LCE2D: variants seen among roughly 807,000 people sequenced by gnomAD.
LCE2D encodes the protein late cornified envelope protein 2D.
For missense variants in LCE2D, 161 were observed against 142.9 expected (o/e 1.13, Z -0.65); for synonymous variants, 55 against 51.3 (o/e 1.07, Z -0.31).
At position 152,664,187 on chromosome 1, in the gene LCE2D, T is replaced by G; in HGVS notation, c.82T>G (p.Cys28Gly). ...PKCTPKCPPK[C>G]PPKCPPQCPA... Reference sequence around the variant, plus strand: ...GTGTACCCCAAAATGTCCACCTAAGTGTCCCCCCAAATGCCCACCACAGTG... The same window carrying G: ...GTGTACCCCAAAATGTCCACCTAAGGGTCCCCCCAAATGCCCACCACAGTG... Residue 28 changes from cysteine (C) to glycine (G), a missense_variant, in exon 2 of 2, where the codon TGT becomes GGT. Cys to Gly is a radical substitution (Grantham distance 159). Transcript: ENST00000368784. 1 of 1,614,172 alleles carries G rather than the reference T, an allele frequency of 6.2e-7. No individual in the cohort carries two copies. The highest frequency in any genetic ancestry group is 1.1e-5 in the South Asian group (1 of 91,080).
In LCE2D at chr1:152,664,399, G is replaced by A. The variant is rs566463390; in HGVS notation, c.294G>A (p.Gly98=). The change falls in exon 2 of 2, where the codon GGG becomes GGA. Residue 98 remains glycine (G), a synonymous_variant. Transcript: ENST00000368784. ...ATTGCTGTGAGAGTGAACCTTCTGG[G>A]GCCTCTGGCTGCTGCCACAGCTCTG... is the stretch of plus-strand genomic sequence containing the variant. The part of the protein sequence containing the change: ...SPDCCESEPS[G]ASGCCHSSGG... 5.7e-5 allele frequency: 91 copies of A among 1,607,252 alleles called. No homozygotes were observed. Among genetic ancestry groups the A allele is most frequent in the African/African-American group, 4.5e-4 (34 of 74,912 alleles).
rs759080764 is a variant in LCE2D, at chr1:152,664,140, C to A, written c.35C>A (p.Pro12His). The stretch of plus-strand genomic sequence containing the variant: ...CAGCAAAACCAGCAGCAGTGCCAGC[C>A]CCCTCCCAAATGTCCTCCCAAGTGT... ...SCQQNQQQCQ[P>H]PPKCPPKCTP... Residue 12 changes from proline to histidine, a missense_variant, in exon 2 of 2, where the codon CCC (proline) becomes CAC (histidine). Transcript: ENST00000368784. 122 of 1,614,040 alleles carry A rather than the reference C, an allele frequency of 7.6e-5. 1 individual carries two copies. Among genetic ancestry groups the A allele is most frequent in the Non-Finnish European group, 9.4e-5 (111 of 1,180,036 alleles).
intron 1 of LCE2D, 92 bp from the exon 2 acceptor site, chr1:152,663,990 TATC>T (rs1648476223): frequency 5.8e-6 from 8 of 1,381,978 alleles, no homozygotes; most frequent in South Asian, 1.4e-5. Flanking sequence ...ATTACCTAAA[TATC>T]ATTCTTCTTC....
Position 152,664,358 on chromosome 1 carries a change from C to T in LCE2D, c.253C>T (p.Arg85Trp), listed in dbSNP as rs202193977. Reference protein sequence around the residue: ...HHRPRLFHRRRHQSPDCCESE... With the variant: ...HHRPRLFHRRWHQSPDCCESE... ...CAGGCCCCGTCTCTTCCACCGGCGC[C>T]GGCACCAGAGCCCCGATTGCTGTGA... The change falls in exon 2 of 2, where the codon CGG (arginine) becomes TGG (tryptophan). Residue 85 changes from arginine to tryptophan, a missense_variant. Transcript: ENST00000368784. The T allele has an allele frequency of 9.9e-6, 16 of 1,608,686 alleles. No individual in the cohort carries two copies. The highest frequency in any genetic ancestry group is 2.2e-5 in the East Asian group (1 of 44,846).
Position 152,664,648 on chromosome 1 carries a change from T to C in LCE2D, c.*210T>C. The C allele has an allele frequency of 1.5e-6, 1 of 647,306 alleles. No individual in the cohort carries two copies. Among genetic ancestry groups the C allele is most frequent in the Non-Finnish European group, 2.6e-6 (1 of 388,896 alleles). The allele number at this position is 647,306 out of a possible 1,614,324, so 40.1% of individuals were successfully genotyped here. On this transcript the variant is annotated 3_prime_UTR_variant, in exon 2 of 2. Transcript: ENST00000368784. ...CTCATATTGTAATAAAGCTCTGATT[T>C]CTGACTCTTTAAATGTCTTGGTCAT...
At chr1:152,663,984 C>G in intron 1 of LCE2D, 101 bp from the exon 2 acceptor site, 1 of 1,339,332 alleles carries the variant, frequency 7.5e-7, no homozygotes, top group Non-Finnish European at 1.0e-6. Context: ...GACTGTATTA[C>G]CTAAATATCA....
chr1:152,664,264 G>C lies in LCE2D; in HGVS notation c.159G>C (p.Gly53=), dbSNP rs1033623402. Residue 53 remains glycine, a synonymous_variant, in exon 2 of 2, where the codon GGG becomes GGC. Coordinates refer to ENST00000368784, the MANE Select transcript of LCE2D (RefSeq NM_178430.4). ...AVSSCCGPSS[G]SCCGPSSGGC... ...CTTCCTGCTGTGGTCCCAGCTCTGG[G>C]AGCTGCTGTGGTCCCAGCTCTGGGG... The C allele has an allele frequency of 7.4e-6, 12 of 1,613,942 alleles. No individual in the cohort carries two copies. The highest frequency in any genetic ancestry group is 3.3e-5 in the Admixed American group (2 of 60,000).
rs1023823529 is a variant in LCE2D, at chr1:152,664,207, A to T, written c.102A>T (p.Pro34=). The change falls in exon 2 of 2, where the codon CCA becomes CCT. Residue 34 remains proline (P), a synonymous_variant. Coordinates refer to ENST00000368784, the MANE Select transcript of LCE2D (RefSeq NM_178430.4). The stretch of plus-strand genomic sequence containing the variant: ...CTAAGTGTCCCCCCAAATGCCCACC[A>T]CAGTGCCCAGCTCCATGTTCCCCTG... ...CPPKCPPKCP[P]QCPAPCSPAV... 4 of 1,613,984 alleles carry T rather than the reference A, an allele frequency of 2.5e-6. No homozygotes were observed. The African/African-American group carries it at 5.3e-5, about 22-fold the overall frequency.
Position 152,664,539 on chromosome 1 carries a change from G to T in LCE2D, c.*101G>T. ...CTTTCATTCCACTCATGGGTGGACAGGGACCACAAAGACTCATGGGGCTTC... is the reference window on the plus strand; with the variant it reads ...CTTTCATTCCACTCATGGGTGGACATGGACCACAAAGACTCATGGGGCTTC... On this transcript the variant is annotated 3_prime_UTR_variant, in exon 2 of 2. Transcript: ENST00000368784. 1 of 1,499,064 alleles carries T rather than the reference G, an allele frequency of 6.7e-7. No homozygotes were observed. The highest frequency in any genetic ancestry group is 8.9e-7 in the Non-Finnish European group (1 of 1,122,258). The allele number at this position is 1,499,064 out of a possible 1,614,324, so 92.9% of individuals were successfully genotyped here. A position where few individuals can be genotyped will look rare whatever the true frequency, so the allele number is the denominator to read the frequency against.
chr1:152,664,560 G>T lies in LCE2D; in HGVS notation c.*122G>T. On this transcript the variant is annotated 3_prime_UTR_variant, in exon 2 of 2. Transcript: ENST00000368784. ...GACAGGGACCACAAAGACTCATGGG[G>T]CTTCCCCAGAACTTTGTGCTTGATG... The T allele has an allele frequency of 7.0e-7, 1 of 1,427,706 alleles. No homozygotes were observed. The highest frequency in any genetic ancestry group is 2.4e-5 in the East Asian group (1 of 42,268). 88.4% of individuals were successfully genotyped at this position (1,427,706 alleles called of 1,614,324 possible).
Position 152,664,433 on chromosome 1 carries a change from T to C in LCE2D, c.328T>C (p.Cys110Arg). The C allele has an allele frequency of 6.2e-7, 1 of 1,611,566 alleles. No individual in the cohort carries two copies. The highest frequency in any genetic ancestry group is 1.3e-5 in the African/African-American group (1 of 74,930). The stretch of plus-strand genomic sequence containing the variant: ...CTGCTGCCACAGCTCTGGGGGCTGC[T>C]GCTGACCTGGGCTGCAGAAGAGCTC... ...SGCCHSSGGC[C>R] The change falls in exon 2 of 2, where the codon TGC becomes CGC. Residue 110 changes from cysteine to arginine, a missense_variant. By Grantham distance (180) the Cys-to-Arg change is radical. Transcript: ENST00000368784.
rs1483339894 is a variant in LCE2D, at chr1:152,664,251, G to A, written c.146G>A (p.Gly49Asp). ...PCSPAVSSCC[G>D]PSSGSCCGPS... ...TCCCCTGCAGTCTCTTCCTGCTGTG[G>A]TCCCAGCTCTGGGAGCTGCTGTGGT... Residue 49 changes from glycine to aspartate, a missense_variant, in exon 2 of 2, where the codon GGT becomes GAT. Coordinates refer to ENST00000368784, the MANE Select transcript of LCE2D (RefSeq NM_178430.4). 2 of 1,614,030 alleles carry A rather than the reference G, an allele frequency of 1.2e-6. No homozygotes were observed. Among genetic ancestry groups the A allele is most frequent in the Admixed American group, 1.7e-5 (1 of 60,016 alleles).
rs1215295862 is a variant in LCE2D, at chr1:152,664,518, C to T, written c.*80C>T. On this transcript the variant is annotated 3_prime_UTR_variant, in exon 2 of 2. Transcript: ENST00000368784. ...ATGCTTAACTATTTCCCCTTCCTTT[C>T]ATTCCACTCATGGGTGGACAGGGAC... 1.6e-5 allele frequency: 25 copies of T among 1,521,774 alleles called. No homozygotes were observed. Among genetic ancestry groups the T allele is most frequent in the Non-Finnish European group, 2.2e-5 (25 of 1,136,528 alleles). The allele number at this position is 1,521,774 out of a possible 1,614,324, so 94.3% of individuals were successfully genotyped here. A position where few individuals can be genotyped will look rare whatever the true frequency, so the allele number is the denominator to read the frequency against.
chr1:152,664,480 C>G lies in LCE2D; in HGVS notation c.*42C>G, dbSNP rs765426662. 1.9e-6 allele frequency: 3 copies of G among 1,558,638 alleles called. No individual in the cohort carries two copies. Among genetic ancestry groups the G allele is most frequent in the African/African-American group, 2.7e-5 (2 of 72,958 alleles). ...GCTCTGGTACTGAATGGTCAAAAAC[C>G]TGCTACAGCCTGATGCTTAACTATT... On this transcript the variant is annotated 3_prime_UTR_variant, in exon 2 of 2. Transcript: ENST00000368784.
chr1:152,664,480 C>A lies in LCE2D; in HGVS notation c.*42C>A, dbSNP rs765426662. The A allele has an allele frequency of 1.0e-5, 16 of 1,558,756 alleles. No individual in the cohort carries two copies. Among genetic ancestry groups the A allele is most frequent in the Admixed American group, 2.0e-5 (1 of 51,090 alleles). ...GCTCTGGTACTGAATGGTCAAAAAC[C>A]TGCTACAGCCTGATGCTTAACTATT... is the stretch of plus-strand genomic sequence containing the variant. On this transcript the variant is annotated 3_prime_UTR_variant, in exon 2 of 2. Coordinates refer to ENST00000368784, the MANE Select transcript of LCE2D (RefSeq NM_178430.4).
At position 152,664,481 on chromosome 1, in the gene LCE2D, T is replaced by G; in HGVS notation, c.*43T>G. The G allele has an allele frequency of 6.4e-7, 1 of 1,558,550 alleles. No homozygotes were observed. The highest frequency in any genetic ancestry group is 8.7e-7 in the Non-Finnish European group (1 of 1,155,626). On this transcript the variant is annotated 3_prime_UTR_variant, in exon 2 of 2. Coordinates refer to ENST00000368784, the MANE Select transcript of LCE2D (RefSeq NM_178430.4). ...CTCTGGTACTGAATGGTCAAAAACC[T>G]GCTACAGCCTGATGCTTAACTATTT...
At position 152,663,951 on chromosome 1, in the gene LCE2D, T is replaced by A. The variant is rs1032081693; in HGVS notation, c.-21-134T>A. ...TTTTATCTGGAAGAAAGATTCAAGT[T>A]GTTTCTTTCAGGTTACTGATGTGAC... is the stretch of plus-strand genomic sequence containing the variant. On this transcript the variant is annotated intron_variant, in intron 1 of 1. Coordinates refer to ENST00000368784, the MANE Select transcript of LCE2D (RefSeq NM_178430.4). 6.1e-6 allele frequency: 6 copies of A among 991,548 alleles called. No individual in the cohort carries two copies. The African/African-American group carries it at 9.9e-5, about 16-fold the overall frequency. 61.4% of individuals were successfully genotyped at this position (991,548 alleles called of 1,614,324 possible). A position where few individuals can be genotyped will look rare whatever the true frequency, so the allele number is the denominator to read the frequency against.
chr1:152,664,359 G>T lies in LCE2D; in HGVS notation c.254G>T (p.Arg85Leu). The change falls in exon 2 of 2, where the codon CGG (arginine) becomes CTG (leucine). Residue 85 changes from arginine (R) to leucine (L), a missense_variant. Physicochemically the swap from Arg to Leu is moderately radical, Grantham distance 102. Transcript: ENST00000368784. ...AGGCCCCGTCTCTTCCACCGGCGCC[G>T]GCACCAGAGCCCCGATTGCTGTGAG... is the stretch of plus-strand genomic sequence containing the variant. ...HHRPRLFHRRRHQSPDCCESE... is the reference protein window; with the variant it reads ...HHRPRLFHRRLHQSPDCCESE... 6.2e-7 allele frequency: 1 copy of T among 1,608,606 alleles called. No individual in the cohort carries two copies. The highest frequency in any genetic ancestry group is 1.1e-5 in the South Asian group (1 of 90,792).
intron 1 of LCE2D, 149 bp downstream of exon 1, chr1:152,663,578 C>G (rs2101489793): frequency 6.3e-6 from 1 of 157,730 alleles, no homozygotes. Context: ...TCTAGAAGCT[C>G]TGGGACTTGC....
Sources: allele counts gnomAD v4.1 joint callset, GRCh38; gene constraint gnomAD v4.1.1; transcripts MANE v1.5; gene names NCBI Gene and HGNC (gene_info 2026-07-23, HGNC 2026-07-21).